ITGAV: variants seen among roughly 807,000 people sequenced by gnomAD.
ITGAV encodes the protein integrin subunit alpha V.
ITGAV carries 76 observed loss-of-function variants against 143.8 expected under a neutral mutation model. That is an observed-to-expected ratio of 0.53 (90% CI 0.44 to 0.64). The LOEUF (loss-of-function observed/expected upper bound fraction) is 0.64, where lower values mean the gene tolerates loss of function less well. Ranked by LOEUF, ITGAV falls within the 30% of genes least tolerant of loss-of-function variation. The pLI is 0.00. For missense variants in ITGAV, 1,193 were observed against 1,274.7 expected (o/e 0.94, Z 0.98); for synonymous variants, 453 against 446.7 (o/e 1.01, Z -0.18).
chr2:186,676,474 C>T (rs1231692184), intron 28 of ITGAV, among the ~76,000 whole-genome samples: 1 of 152,034 alleles, frequency 6.6e-6, no homozygotes, highest in East Asian at 1.9e-4. Context: ...TATAGTGGCG[C>T]AGGCCTGTAA....
chr2:186,666,520 A>G (rs1688901675), intron 21 of ITGAV, among the ~76,000 whole-genome samples, 184 bp from the exon 22 acceptor site: 1 of 152,180 alleles, frequency 6.6e-6, no homozygotes, highest in South Asian at 2.1e-4. Context: ...TCTCTTATGG[A>G]TTGGTCCAGG....
chr2:186,651,402 A>G (rs1340568591), intron 14 of ITGAV, among the ~76,000 whole-genome samples: 2 of 152,178 alleles, frequency 1.3e-5, no homozygotes, highest in African/African-American at 4.8e-5. Context: ...ATTGCTGTTA[A>G]TTGTATAATG....
intron 19 of ITGAV, among the ~76,000 whole-genome samples, 179 bp from the exon 20 acceptor site, chr2:186,664,315 C>T (rs1688827151): frequency 2.0e-5 from 3 of 152,224 alleles, no homozygotes; most frequent in Admixed American, 6.5e-5. Flanking sequence ...GAGAAGCATT[C>T]GATTTGCACC....
At chr2:186,590,589 C>T in intron 1 of ITGAV, 66 bp downstream of exon 1, 1 of 1,439,422 alleles carries the variant, frequency 6.9e-7, no homozygotes, top group South Asian at 1.3e-5. Context: ...CCCAGCGTTT[C>T]TCCATTGGGA....
At chr2:186,598,698 G>A (rs1686816824) in intron 1 of ITGAV, among the ~76,000 whole-genome samples, 3 of 151,982 alleles carry the variant, frequency 2.0e-5, no homozygotes, top group Non-Finnish European at 4.4e-5. Flanking sequence ...CAAAGTGTTG[G>A]GATTGCAGGC....
chr2:186,614,894 A>G (rs549569576), intron 2 of ITGAV, among the ~76,000 whole-genome samples: 5 of 152,158 alleles, frequency 3.3e-5, no homozygotes, highest in South Asian at 4.1e-4. Context: ...GACCTGTTTT[A>G]AGTGTACAAT....
intron 15 of ITGAV, 148 bp downstream of exon 15, chr2:186,652,237 C>T: frequency 3.3e-6 from 2 of 614,306 alleles, no homozygotes; most frequent in Non-Finnish European, 5.8e-6. Context: ...TTATTTGAAG[C>T]AAGGTCTGCC....
Position 186,680,631 on chromosome 2 carries a change from G to C in ITGAV, c.*3339G>C, listed in dbSNP as rs191851513. ...CCATTCTGCATTGTATTTCAGGCTG[G>C]AAATGAATTATTCTTTACCAGTTTT... On this transcript the variant is annotated 3_prime_UTR_variant, in exon 30 of 30. Coordinates refer to ENST00000261023, the MANE Select transcript of ITGAV (RefSeq NM_002210.5). The C allele has an allele frequency of 6.6e-6, 1 of 152,662 alleles. No homozygotes were observed. Among genetic ancestry groups the C allele is most frequent in the Admixed American group, 6.5e-5 (1 of 15,276 alleles). 9.5% of individuals were successfully genotyped at this position (152,662 alleles called of 1,614,324 possible).
In ITGAV at chr2:186,611,687, C is replaced by T. The variant is rs148292477; in HGVS notation, c.316+9536C>T. 7.9e-5 allele frequency among the ~76,000 whole-genome samples: 12 copies of T among 152,222 alleles called. No homozygotes were observed. The East Asian group carries it at 2.1e-3, about 27-fold the overall frequency. On this transcript the variant is annotated intron_variant, in intron 2 of 29. Transcript: ENST00000261023. ...AGACTCTGATACTTATTAACTGTGA[C>T]GTTGGGCAAGCACCATCCACAATTT...
Position 186,640,780 on chromosome 2 carries a change from AAAGAC to A in ITGAV, c.904-128_904-124del, listed in dbSNP as rs555918092. 726 of 675,538 alleles carry A rather than the reference AAAGAC, an allele frequency of 1.1e-3. 10 individuals are homozygous for A. In the East Asian group the frequency reaches 0.019, roughly 18 times the overall value. 41.8% of individuals were successfully genotyped at this position (675,538 alleles called of 1,614,324 possible). A position where few individuals can be genotyped will look rare whatever the true frequency, so the allele number is the denominator to read the frequency against. Reference sequence around the variant, plus strand: ...TGTCATTGTGTTGGTAGAATAAACAAAAGACAAGACATTTAGATTGAAGCACTATA... The same window carrying A: ...TGTCATTGTGTTGGTAGAATAAACAAAAGACATTTAGATTGAAGCACTATA... On this transcript the variant is annotated intron_variant, in intron 10 of 29. Coordinates refer to ENST00000261023, the MANE Select transcript of ITGAV (RefSeq NM_002210.5).
chr2:186,670,321 C>T (rs573823504), intron 26 of ITGAV, among the ~76,000 whole-genome samples: 1 of 147,298 alleles, frequency 6.8e-6, no homozygotes, highest in South Asian at 2.2e-4. Context: ...TGTTTTTTGA[C>T]ACAGAGCCTC....
chr2:186,632,981 CTAGATAGA>C (rs56050855), intron 5 of ITGAV, among the ~76,000 whole-genome samples: 1 of 150,050 alleles, frequency 6.7e-6, no homozygotes, highest in Non-Finnish European at 1.5e-5. Flanking sequence ...TTAATATATA[CTAGATAGA>C]TAGATAGATA....
Position 186,646,786 on chromosome 2 carries a change from C to A in ITGAV, c.1260C>A (p.Ile420=). 6.2e-7 allele frequency: 1 copy of A among 1,613,352 alleles called. No homozygotes were observed. The highest frequency in any genetic ancestry group is 8.5e-7 in the Non-Finnish European group (1 of 1,179,512). The change falls in exon 13 of 30, where the codon ATC becomes ATA. Residue 420 remains isoleucine, a synonymous_variant. Transcript: ENST00000261023. ...STGLNAVPSQ[I]LEGQWAARSM... is the part of the protein sequence containing the mutation. The stretch of plus-strand genomic sequence containing the variant: ...GCTTGAACGCAGTCCCATCTCAAAT[C>A]CTTGAAGGGCAGTGGGCTGCTCGAA...
At chr2:186,658,577 A>G (rs1688652066) in intron 17 of ITGAV, among the ~76,000 whole-genome samples, 1 of 152,208 alleles carries the variant, frequency 6.6e-6, no homozygotes, top group Non-Finnish European at 1.5e-5. Context: ...ATGATGAAAT[A>G]GTACTCAACA....
Position 186,664,475 on chromosome 2 carries a change from T to C in ITGAV, c.1926-19T>C. On this transcript the variant is annotated intron_variant, in intron 19 of 29. Coordinates refer to ENST00000261023, the MANE Select transcript of ITGAV (RefSeq NM_002210.5). ...GTAGTCTTTTTTTCTCAGTCTGGATTTGTATTGTTAACTTGTAGTGATCAA... is the reference window on the plus strand; with the variant it reads ...GTAGTCTTTTTTTCTCAGTCTGGATCTGTATTGTTAACTTGTAGTGATCAA... 6.2e-7 allele frequency: 1 copy of C among 1,610,886 alleles called. No individual in the cohort carries two copies. The highest frequency in any genetic ancestry group is 8.5e-7 in the Non-Finnish European group (1 of 1,178,398).
In ITGAV at chr2:186,616,340, A is replaced by G. The variant is rs560994698; in HGVS notation, c.317-5999A>G. Among the ~76,000 whole-genome samples the G allele has an allele frequency of 1.6e-4, 21 of 131,438 alleles. No individual in the cohort carries two copies. The South Asian group carries it at 2.1e-3, about 13-fold the overall frequency. 86.2% of individuals were successfully genotyped at this position (131,438 alleles called of 152,430 possible). On this transcript the variant is annotated intron_variant, in intron 2 of 29. Coordinates refer to ENST00000261023, the MANE Select transcript of ITGAV (RefSeq NM_002210.5). ...GTCGCCCAGGCTGGAGTGCAGTGGCACGATCTCGGCTCACTGCAAGCTCCG... is the reference window on the plus strand; with the variant it reads ...GTCGCCCAGGCTGGAGTGCAGTGGCGCGATCTCGGCTCACTGCAAGCTCCG...
At chr2:186,624,478 A>G (rs2105688677) in intron 3 of ITGAV, among the ~76,000 whole-genome samples, 1 of 152,224 alleles carries the variant, frequency 6.6e-6, no homozygotes, top group South Asian at 2.1e-4. Context: ...GAAAAGGAGC[A>G]AGCCACCCAC....
chr2:186,649,400 A>T (rs549861086), intron 13 of ITGAV, among the ~76,000 whole-genome samples: 105 of 152,058 alleles, frequency 6.9e-4, no homozygotes, highest in Non-Finnish European at 1.0e-3. Context: ...TATGAAAACT[A>T]ATGCATTTCA....
At position 186,678,599 on chromosome 2, in the gene ITGAV, A is replaced by T. The variant is rs1689276062; in HGVS notation, c.*1307A>T. ...CGTTAGTATAAATTACTTTTCTAGGATTATTAATAAAAGCCACATAGGTGG... is the reference window on the plus strand; with the variant it reads ...CGTTAGTATAAATTACTTTTCTAGGTTTATTAATAAAAGCCACATAGGTGG... On this transcript the variant is annotated 3_prime_UTR_variant, in exon 30 of 30. Coordinates refer to ENST00000261023, the MANE Select transcript of ITGAV (RefSeq NM_002210.5). 1 of 334,494 alleles carries T rather than the reference A, an allele frequency of 3.0e-6. No individual in the cohort carries two copies. Among genetic ancestry groups the T allele is most frequent in the South Asian group, 2.6e-5 (1 of 38,286 alleles). 20.7% of individuals were successfully genotyped at this position (334,494 alleles called of 1,614,324 possible). A position where few individuals can be genotyped will look rare whatever the true frequency, so the allele number is the denominator to read the frequency against.
Sources: allele counts gnomAD v4.1 joint callset (sites outside exome capture counted in the v4.1 genomes callset), GRCh38; gene constraint gnomAD v4.1.1; transcripts MANE v1.5; gene names NCBI Gene and HGNC (gene_info 2026-07-23, HGNC 2026-07-21).